The following AIMP2 variants were observed in gnomAD, a reference collection of about 807,000 sequenced individuals.
The protein encoded by AIMP2 is aminoacyl tRNA synthase complex-interacting multifunctional protein 2.
A neutral mutation model predicts 23.4 loss-of-function variants in AIMP2; 20 were observed. The observed-to-expected ratio is 0.85, with a 90% CI of 0.60 to 1.24. AIMP2 has a LOEUF of 1.24. AIMP2 is among the 50% of genes most tolerant of loss of function. The pLI is 0.00. For missense variants in AIMP2, 515 were observed against 414.5 expected, an observed-to-expected ratio of 1.24 and a Z score of -2.10; for synonymous variants, 210 against 170.4, an observed-to-expected ratio of 1.23 and a Z score of -1.81.
chr7:6,009,940 ACT>A (rs1170147843), intron 1 of AIMP2, among the ~76,000 whole-genome samples: 3 of 110,006 alleles, frequency 2.7e-5, no homozygotes. Flanking sequence ...CAAGAGCTAA[ACT>A]CTATCTCAAA....
chr7:6,017,789 G>A (rs373546670), intron 2 of AIMP2, 25 bp from the exon 3 acceptor site: 61 of 1,598,186 alleles, frequency 3.8e-5, no homozygotes, highest in Non-Finnish European at 4.9e-5. Flanking sequence ...ACTGTTATTC[G>A]TACATTGTCT....
chr7:6,017,635 C>T (rs13311041), intron 2 of AIMP2, among the ~76,000 whole-genome samples, 179 bp from the exon 3 acceptor site: 23,907 of 152,026 alleles, frequency 0.16, 2,075 homozygotes, highest in African/African-American at 0.21. Flanking sequence ...AGCTCCACTC[C>T]GTCCTGAGCG....
intron 3 of AIMP2, 179 bp from the exon 4 acceptor site, chr7:6,023,124 T>G (rs1425153801): frequency 1.4e-6 from 1 of 704,776 alleles, no homozygotes; most frequent in East Asian, 2.8e-5. Context: ...AGTTTGCACT[T>G]AAACCCTTTT....
chr7:6,019,484 C>CA (rs71008351), intron 3 of AIMP2, among the ~76,000 whole-genome samples: 74 of 111,920 alleles, frequency 6.6e-4, no homozygotes, highest in South Asian at 1.8e-3. Context: ...GACTCCGTCT[C>CA]AAAAAAAAAA....
chr7:6,014,432 AT>A (rs1786889571), intron 1 of AIMP2, among the ~76,000 whole-genome samples: 1 of 151,080 alleles, frequency 6.6e-6, no homozygotes, highest in African/African-American at 2.4e-5. Flanking sequence ...TTATTTTTGT[AT>A]TTTTAGTAGA....
At chr7:6,017,731 C>G (rs1179658301) in intron 2 of AIMP2, 83 bp from the exon 3 acceptor site, 1 of 1,270,974 alleles carries the variant, frequency 7.9e-7, no homozygotes, top group Non-Finnish European at 1.1e-6. Context: ...TTAGATAACC[C>G]TGGTTAGGTT....
chr7:6,019,517 G>A (rs1446295370), intron 3 of AIMP2, among the ~76,000 whole-genome samples: 1 of 150,650 alleles, frequency 6.6e-6, no homozygotes, highest in Non-Finnish European at 1.5e-5. Flanking sequence ...ATCTCTTGAG[G>A]TTCTTGGCTA....
At chr7:6,019,829 C>A (rs1787270498) in intron 3 of AIMP2, among the ~76,000 whole-genome samples, 1 of 151,964 alleles carries the variant, frequency 6.6e-6, no homozygotes, top group African/African-American at 2.4e-5. Flanking sequence ...CAAGATTATC[C>A]TGGCCAACAT....
Position 6,009,299 on chromosome 7 carries a change from G to T in AIMP2, c.-65G>T, listed in dbSNP as rs1249002552. 1.7e-5 allele frequency: 28 copies of T among 1,610,312 alleles called. No individual in the cohort carries two copies. Among genetic ancestry groups the T allele is most frequent in the Non-Finnish European group, 2.0e-5 (23 of 1,179,412 alleles). ...AAGGGAGGTGGCCGGTCTCCGTCGT[G>T]ACCTCTGACGGTTTCTGAGCGTTGG... is the stretch of plus-strand genomic sequence containing the variant. On this transcript the variant is annotated 5_prime_UTR_variant, in exon 1 of 4. Coordinates refer to ENST00000223029, the MANE Select transcript of AIMP2 (RefSeq NM_006303.4).
rs370298739 is a variant in AIMP2 at position 6,009,556 on chromosome 7, G to T, written c.135+58G>T. On this transcript the variant is annotated intron_variant, in intron 1 of 3. Transcript: ENST00000223029. The stretch of plus-strand genomic sequence containing the variant: ...CGCGCGGCGACCGGCTGCTGGCCCG[G>T]GTCCCCCCAGGCCGGAGCGAGCGCG... The T allele has an allele frequency of 1.0e-5, 14 of 1,374,644 alleles. No individual in the cohort carries two copies. In the African/African-American group the frequency reaches 1.2e-4, roughly 12 times the overall value. The allele number at this position is 1,374,644 out of a possible 1,614,324, so 85.2% of individuals were successfully genotyped here.
At chr7:6,011,978 C>T (rs761910657) in intron 1 of AIMP2, among the ~76,000 whole-genome samples, 3 of 152,178 alleles carry the variant, frequency 2.0e-5, no homozygotes, top group African/African-American at 7.2e-5. Context: ...CTTGGCCAGG[C>T]GCAGTGGCCC....
At chr7:6,014,632 T>C (rs1180090569) in intron 1 of AIMP2, among the ~76,000 whole-genome samples, 2 of 152,160 alleles carry the variant, frequency 1.3e-5, no homozygotes, top group Non-Finnish European at 2.9e-5. Context: ...TTTCTGCTCC[T>C]GTATTTTAAT....
intron 2 of AIMP2, among the ~76,000 whole-genome samples, chr7:6,015,679 G>A (rs1035641442): frequency 2.0e-5 from 3 of 152,230 alleles, no homozygotes; most frequent in African/African-American, 2.4e-5. Flanking sequence ...AGCGGAGATC[G>A]CGCCACTACA....
intron 3 of AIMP2, among the ~76,000 whole-genome samples, chr7:6,019,315 T>TA (rs1787236217): frequency 6.9e-6 from 1 of 145,628 alleles, no homozygotes. Context: ...CCATCTCTAC[T>TA]AAAAAATACA....
In AIMP2 at chr7:6,009,289, T is replaced by G. The variant is rs570640019; in HGVS notation, c.-75T>G. 3.1e-6 allele frequency: 5 copies of G among 1,608,506 alleles called. No individual in the cohort carries two copies. The highest frequency in any genetic ancestry group is 1.1e-5 in the South Asian group (1 of 90,776). On this transcript the variant is annotated 5_prime_UTR_variant, in exon 1 of 4. Transcript: ENST00000223029. The stretch of plus-strand genomic sequence containing the variant: ...GCAGGGTCAGAAGGGAGGTGGCCGG[T>G]CTCCGTCGTGACCTCTGACGGTTTC...
At chr7:6,013,128 G>A (rs569330684) in intron 1 of AIMP2, 12 of 270,986 alleles carry the variant, frequency 4.4e-5, no homozygotes, top group Non-Finnish European at 5.1e-5. Context: ...GGCAAAGGAC[G>A]AAATTGGGTG....
Position 6,023,793 on chromosome 7 carries a change from T to TA in AIMP2, c.*103dup. On this transcript the variant is annotated 3_prime_UTR_variant, in exon 4 of 4. Transcript: ENST00000223029. ...GTATTAGAGTCAGAGTCTTTTTATT[T>TA]AGGCCAGTTGTCAAGTGTCAATAAA... 1.9e-6 allele frequency: 3 copies of TA among 1,592,570 alleles called. No homozygotes were observed. The South Asian group carries it at 3.4e-5, about 18-fold the overall frequency.
intron 3 of AIMP2, among the ~76,000 whole-genome samples, chr7:6,021,946 C>T (rs1787454930): frequency 6.6e-6 from 1 of 151,846 alleles, no homozygotes; most frequent in African/African-American, 2.4e-5. Flanking sequence ...TCCTTTCCTG[C>T]CTCCCTTTCT....
At chr7:6,018,982 C>CACAG (rs1787212059) in intron 3 of AIMP2, among the ~76,000 whole-genome samples, 1 of 150,850 alleles carries the variant, frequency 6.6e-6, no homozygotes, top group African/African-American at 2.4e-5. Context: ...CACACACACA[C>CACAG]ACACACACAA....
Sources: allele counts gnomAD v4.1 joint callset (sites outside exome capture counted in the v4.1 genomes callset), GRCh38; gene constraint gnomAD v4.1.1; transcripts MANE v1.5; gene names NCBI Gene and HGNC (gene_info 2026-07-23, HGNC 2026-07-21).